Variants in ADGRV1 observed in about 807,000 individuals in gnomAD.
ADGRV1 encodes G-protein coupled receptor 98.
In ADGRV1, 359 loss-of-function variants were observed where a neutral mutation model predicts 596.2. The ratio of observed to expected loss-of-function variants is 0.60; its 90% CI spans 0.55 to 0.66. The LOEUF (loss-of-function observed/expected upper bound fraction) is 0.66. Ranked by LOEUF, ADGRV1 falls within the 30% of genes least tolerant of loss-of-function variation. ADGRV1 has a pLI of 0.00. For synonymous variants in ADGRV1, 2,681 were observed against 2,679.2 expected (o/e 1.00, Z -0.02); for missense variants, 7,274 against 7,575.6 (o/e 0.96, Z 1.48).
chr5:90,805,228 A>T (rs1761789764), intron 71 of ADGRV1, 56 bp from the exon 72 acceptor site: 1 of 1,495,760 alleles, frequency 6.7e-7, no homozygotes, highest in Non-Finnish European at 9.2e-7. Context: ...CCCATTCCTC[A>T]GAAAACAGGA....
chr5:90,810,860 T>C lies in ADGRV1; in HGVS notation c.15600T>C (p.Ala5200=). The change falls in exon 74 of 90, where the codon GCT becomes GCC. Residue 5200 remains alanine, a synonymous_variant. Coordinates refer to ENST00000405460, the MANE Select transcript of ADGRV1 (RefSeq NM_032119.4). Reference sequence around the variant, plus strand: ...TTGTCACCCTTCATGGCACACCTGCTGTGTCTGAAAAGCCTGATGTGGCCA... The same window carrying C: ...TTGTCACCCTTCATGGCACACCTGCCGTGTCTGAAAAGCCTGATGTGGCCA... ...EKLVTLHGTP[A]VSEKPDVATV... is the part of the protein sequence containing the mutation. The C allele has an allele frequency of 6.2e-7, 1 of 1,614,070 alleles. No homozygotes were observed. The highest frequency in any genetic ancestry group is 8.5e-7 in the Non-Finnish European group (1 of 1,179,902).
intron 83 of ADGRV1, among the ~76,000 whole-genome samples, chr5:90,901,912 G>C (rs992740101): frequency 3.9e-5 from 6 of 152,038 alleles, no homozygotes; most frequent in Non-Finnish European, 8.8e-5. Flanking sequence ...CTGGGTAGAG[G>C]GTAGACTGTA....
chr5:91,025,875 G>C (rs1047921416), intron 85 of ADGRV1, among the ~76,000 whole-genome samples: 11 of 152,120 alleles, frequency 7.2e-5, no homozygotes, highest in Non-Finnish European at 1.5e-5. Flanking sequence ...GCTTCAACAC[G>C]TGAAAGCATC....
chr5:90,755,328 C>T, intron 55 of ADGRV1, 143 bp downstream of exon 55: 1 of 573,162 alleles, frequency 1.7e-6, no homozygotes, highest in East Asian at 2.9e-5. Flanking sequence ...ACTGTTGCCA[C>T]CCACCTAAGT....
At chr5:90,715,247 G>A (rs1052582824) in intron 42 of ADGRV1, among the ~76,000 whole-genome samples, 1 of 152,198 alleles carries the variant, frequency 6.6e-6, no homozygotes, top group African/African-American at 2.4e-5. Flanking sequence ...GATAGATGAT[G>A]TCCTAATGAG....
chr5:90,619,658 T>A (rs1342931038), intron 4 of ADGRV1, among the ~76,000 whole-genome samples: 3 of 152,222 alleles, frequency 2.0e-5, no homozygotes, highest in African/African-American at 7.2e-5. Context: ...CGTGCAGGTT[T>A]GTTACATATG....
chr5:90,819,374 A>G (rs1217902217), intron 75 of ADGRV1, among the ~76,000 whole-genome samples: 1 of 151,388 alleles, frequency 6.6e-6, no homozygotes, highest in Non-Finnish European at 1.5e-5. Context: ...CAGCTCCTGG[A>G]TTCATTAATT....
chr5:91,015,728 G>T (rs1001763308), intron 85 of ADGRV1, among the ~76,000 whole-genome samples: 1 of 151,892 alleles, frequency 6.6e-6, no homozygotes, highest in African/African-American at 2.4e-5. Flanking sequence ...TTTTCCATTT[G>T]CTTGGTAGAT....
Position 91,097,449 on chromosome 5 carries a change from T to C in ADGRV1, c.18311-4770T>C, listed in dbSNP as rs535621692. Among the ~76,000 whole-genome samples the C allele has an allele frequency of 2.0e-5, 3 of 152,320 alleles. No homozygotes were observed. The East Asian group carries it at 5.8e-4, about 29-fold the overall frequency. ...TGACTAATATCACATTATATGCAAA[T>C]AGTATATTTTATTTATCTATTCATC... On this transcript the variant is annotated intron_variant, in intron 86 of 89. Transcript: ENST00000405460.
intron 43 of ADGRV1, among the ~76,000 whole-genome samples, chr5:90,719,616 C>A (rs572350326): frequency 3.9e-5 from 6 of 151,998 alleles, no homozygotes; most frequent in Non-Finnish European, 8.8e-5. Flanking sequence ...ATAAAATAGA[C>A]CACTATTGGT....
At chr5:90,976,675 T>G (rs1779642762) in intron 84 of ADGRV1, among the ~76,000 whole-genome samples, 1 of 152,158 alleles carries the variant, frequency 6.6e-6, no homozygotes, top group Non-Finnish European at 1.5e-5. Flanking sequence ...TTTGAGATAT[T>G]CATATATGAT....
At chr5:91,102,188 A>G in intron 86 of ADGRV1, 31 bp from the exon 87 acceptor site, 1 of 1,584,148 alleles carries the variant, frequency 6.3e-7, no homozygotes, top group Non-Finnish European at 8.6e-7. Flanking sequence ...AGTATTCTGA[A>G]GCTCAAAAAT....
intron 35 of ADGRV1, 75 bp downstream of exon 35, chr5:90,703,870 G>A: frequency 1.9e-6 from 2 of 1,045,168 alleles, no homozygotes; most frequent in Non-Finnish European, 2.8e-6. Context: ...GGATAGAAAA[G>A]CAGCACTATT....
Position 91,150,203 on chromosome 5 carries a change from C to T in ADGRV1, c.18606C>T (p.Leu6202=), listed in dbSNP as rs573762817. Residue 6202 remains leucine, a synonymous_variant, in exon 88 of 90, where the codon CTC becomes CTT. Coordinates refer to ENST00000405460, the MANE Select transcript of ADGRV1 (RefSeq NM_032119.4). The part of the protein sequence containing the change: ...GGEISKSTQN[L]IGAMEEVPPD... ...AAATCAGCAAGTCCACCCAGAATCT[C>T]ATCGGTGCTATGGAGGAGGTGTCTG... 5 of 1,585,886 alleles carry T rather than the reference C, an allele frequency of 3.2e-6. No homozygotes were observed. In the South Asian group the frequency reaches 5.8e-5, roughly 18 times the overall value.
At chr5:90,686,168 G>GC (rs1745612730) in intron 29 of ADGRV1, among the ~76,000 whole-genome samples, 173 bp downstream of exon 29, 1 of 149,964 alleles carries the variant, frequency 6.7e-6, no homozygotes, top group East Asian at 2.0e-4. Context: ...TTTTTGGGGG[G>GC]GGGGATGGAG....
intron 83 of ADGRV1, among the ~76,000 whole-genome samples, chr5:90,880,790 G>A (rs148703714): frequency 1.9e-4 from 29 of 152,248 alleles, no homozygotes; most frequent in African/African-American, 6.3e-4. Context: ...GCTTTCTGGA[G>A]AATATTGTCC....
chr5:90,566,722 A>G (rs1755682626), intron 1 of ADGRV1, among the ~76,000 whole-genome samples: 2 of 151,786 alleles, frequency 1.3e-5, no homozygotes, highest in Non-Finnish European at 2.9e-5. Flanking sequence ...TTTTTTATGT[A>G]TGGTGTTTTT....
chr5:90,903,933 T>A, intron 83 of ADGRV1, among the ~76,000 whole-genome samples: 1 of 152,070 alleles, frequency 6.6e-6, no homozygotes, highest in Non-Finnish European at 1.5e-5. Context: ...CTTCTCAGCC[T>A]CTGGTAACCA....
Position 90,675,223 on chromosome 5 carries a change from G to A in ADGRV1, c.5111-20G>A, listed in dbSNP as rs770362216. The A allele has an allele frequency of 6.2e-7, 1 of 1,604,376 alleles. No homozygotes were observed. Among genetic ancestry groups the A allele is most frequent in the South Asian group, 1.1e-5 (1 of 90,330 alleles). On this transcript the variant is annotated intron_variant, in intron 23 of 89. Coordinates refer to ENST00000405460, the MANE Select transcript of ADGRV1 (RefSeq NM_032119.4). ...GCACAGTTCATTGGGACAATGCCCT[G>A]GCCCCTTTGTCTCCACTAGGCTTGC...
Sources: allele counts gnomAD v4.1 joint callset (sites outside exome capture counted in the v4.1 genomes callset), GRCh38; gene constraint gnomAD v4.1.1; transcripts MANE v1.5; gene names NCBI Gene and HGNC (gene_info 2026-07-23, HGNC 2026-07-21).